The following LRIT3 variants were observed in gnomAD, a reference collection of about 807,000 sequenced individuals.
The protein encoded by LRIT3 is leucine-rich repeat, immunoglobulin-like domain and transmembrane domain-containing protein 3.
In LRIT3, 14 loss-of-function variants were observed where a neutral mutation model predicts 22.6. That is an observed-to-expected ratio of 0.62 (90% confidence interval 0.41 to 0.97). LRIT3 has a LOEUF of 0.97. Ranked by LOEUF, LRIT3 falls within the 50% of genes least tolerant of loss-of-function variation. The pLI, the probability that LRIT3 is intolerant of heterozygous loss-of-function variation, is 0.00. For synonymous variants in LRIT3, 306 were observed against 304.5 expected, an observed-to-expected ratio of 1.01 and a Z score of -0.05; for missense variants, 783 against 803.0, an observed-to-expected ratio of 0.98 and a Z score of 0.30.
At chr4:109,869,391 T>C (rs1169350657) in intron 3 of LRIT3, among the ~76,000 whole-genome samples, 1 of 152,230 alleles carries the variant, frequency 6.6e-6, no homozygotes, top group Admixed American at 6.5e-5. Flanking sequence ...AACCCAAGTG[T>C]CCTGATTCCC....
rs1465529649 is a variant in LRIT3, at chr4:109,851,243, T to G, written c.117-261T>G. 2.8e-5 allele frequency: 11 copies of G among 392,556 alleles called. No individual in the cohort carries two copies. The East Asian group carries it at 5.2e-4, about 19-fold the overall frequency. 24.3% of individuals were successfully genotyped at this position (392,556 alleles called of 1,614,324 possible). ...TTGTAGAGTTTTACATCCATTGTAATTAATCATCCATAACAGTGCCATATG... is the reference window on the plus strand; with the variant it reads ...TTGTAGAGTTTTACATCCATTGTAAGTAATCATCCATAACAGTGCCATATG... On this transcript the variant is annotated intron_variant, in intron 1 of 3. Coordinates refer to ENST00000594814, the MANE Select transcript of LRIT3 (RefSeq NM_198506.5).
rs1734825103 is a variant in LRIT3, at chr4:109,871,165, T to C, written c.*376T>C. ...TAGCAAAACCAGCTAAGCCTTGATG[T>C]TTATTCATGTTCGAAGTGCATTATA... On this transcript the variant is annotated 3_prime_UTR_variant, in exon 4 of 4. Coordinates refer to ENST00000594814, the MANE Select transcript of LRIT3 (RefSeq NM_198506.5). 1 of 162,488 alleles carries C rather than the reference T, an allele frequency of 6.2e-6. No individual in the cohort carries two copies. The highest frequency in any genetic ancestry group is 1.3e-5 in the Non-Finnish European group (1 of 75,204). 10.1% of individuals were successfully genotyped at this position (162,488 alleles called of 1,614,324 possible).
At chr4:109,856,688 G>A (rs1031998861) in intron 2 of LRIT3, among the ~76,000 whole-genome samples, 1 of 152,110 alleles carries the variant, frequency 6.6e-6, no homozygotes, top group African/African-American at 2.4e-5. Flanking sequence ...CAATCACATT[G>A]CATTTGTAAT....
At chr4:109,851,268 G>C in intron 1 of LRIT3, 1 of 510,440 alleles carries the variant, frequency 2.0e-6, no homozygotes, top group Admixed American at 3.5e-5. Context: ...AGTGCCATAT[G>C]GGAAAATGAG....
chr4:109,859,077 G>T (rs1020303732), intron 2 of LRIT3, among the ~76,000 whole-genome samples: 1 of 152,146 alleles, frequency 6.6e-6, no homozygotes, highest in African/African-American at 2.4e-5. Context: ...GATATTGCGG[G>T]ATCTGGCCAG....
intron 2 of LRIT3, among the ~76,000 whole-genome samples, chr4:109,862,841 A>G (rs2125899862): frequency 6.6e-6 from 1 of 152,224 alleles, no homozygotes; most frequent in African/African-American, 2.4e-5. Context: ...TGCCGCCACC[A>G]TACCTGGCTA....
intron 2 of LRIT3, among the ~76,000 whole-genome samples, chr4:109,854,402 A>G (rs988128130): frequency 6.6e-6 from 1 of 152,198 alleles, no homozygotes; most frequent in Non-Finnish European, 1.5e-5. Flanking sequence ...TTATTGGTGT[A>G]TAGAAATGCT....
intron 2 of LRIT3, among the ~76,000 whole-genome samples, chr4:109,862,835 G>T (rs1360259440): frequency 6.6e-6 from 1 of 152,054 alleles, no homozygotes; most frequent in African/African-American, 2.4e-5. Context: ...GGCAAGTGCC[G>T]CCACCATACC....
intron 2 of LRIT3, among the ~76,000 whole-genome samples, chr4:109,864,499 C>T (rs1302723236): frequency 2.0e-5 from 3 of 152,166 alleles, no homozygotes; most frequent in Non-Finnish European, 2.9e-5. Flanking sequence ...ACAATGCTGA[C>T]AATACCAACT....
At chr4:109,853,603 C>T (rs931125794) in intron 2 of LRIT3, among the ~76,000 whole-genome samples, 2 of 152,112 alleles carry the variant, frequency 1.3e-5, no homozygotes, top group Admixed American at 1.3e-4. Flanking sequence ...TTAATTAGAT[C>T]CCATTTGTCA....
At chr4:109,850,430 T>TCTTCCTTC (rs1734210133) in intron 1 of LRIT3, among the ~76,000 whole-genome samples, 1 of 81,616 alleles carries the variant, frequency 1.2e-5, no homozygotes, top group Non-Finnish European at 2.3e-5. Context: ...TTCCTTTCTT[T>TCTTCCTTC]CTTTCTTTCT....
chr4:109,871,049 T>C lies in LRIT3; in HGVS notation c.*260T>C, dbSNP rs1734822508. The C allele has an allele frequency of 1.9e-5, 6 of 314,282 alleles. No individual in the cohort carries two copies. Among genetic ancestry groups the C allele is most frequent in the Non-Finnish European group, 3.4e-5 (6 of 174,170 alleles). 19.5% of individuals were successfully genotyped at this position (314,282 alleles called of 1,614,324 possible). A position where few individuals can be genotyped will look rare whatever the true frequency, so the allele number is the denominator to read the frequency against. ...AATAAATTATTAATACTTTTTAGGG[T>C]AATGTTTTAGTTCTTAAAAATAAGT... On this transcript the variant is annotated 3_prime_UTR_variant, in exon 4 of 4. Coordinates refer to ENST00000594814, the MANE Select transcript of LRIT3 (RefSeq NM_198506.5).
In LRIT3 at chr4:109,870,689, AC is replaced by A; in HGVS notation, c.1941del (p.His647GlnfsTer20). 1 of 1,614,154 alleles carries A rather than the reference AC, an allele frequency of 6.2e-7. No individual in the cohort carries two copies. Among genetic ancestry groups the A allele is most frequent in the South Asian group, 1.1e-5 (1 of 91,074 alleles). Reference protein sequence around the residue: ...QSVGELWTRSHRDDSEKLLLC... With the variant: ...QSVGELWTRSXRDDSEKLLLC... ...GTAGGTGAGCTCTGGACACGAAGCCACAGGGATGACTCAGAGAAATTGCTGC... is the reference window on the plus strand; with the variant it reads ...GTAGGTGAGCTCTGGACACGAAGCCAAGGGATGACTCAGAGAAATTGCTGC... On this transcript the variant is annotated frameshift_variant, in exon 4 of 4. Coordinates refer to ENST00000594814, the MANE Select transcript of LRIT3 (RefSeq NM_198506.5). LOFTEE classifies it low-confidence loss of function (END_TRUNC).
rs777025567 is a variant in LRIT3, at chr4:109,870,118, A to C, written c.1369A>C (p.Asn457His). The C allele has an allele frequency of 5.0e-6, 8 of 1,614,224 alleles. No homozygotes were observed. Among genetic ancestry groups the C allele is most frequent in the South Asian group, 1.1e-5 (1 of 91,080 alleles). The part of the protein sequence containing the change: ...GGKRNLKVAK[N>H]GSKLPPASTS... The stretch of plus-strand genomic sequence containing the variant: ...GAAAAGAAATTTAAAGGTGGCAAAG[A>C]ATGGAAGTAAGCTTCCTCCAGCCAG... Residue 457 changes from asparagine to histidine, a missense_variant, in exon 4 of 4, where the codon AAT becomes CAT. By Grantham distance (68) the Asn-to-His change is moderately conservative. Around this residue, in one of 2 missense-constraint regions of LRIT3, gnomAD observed 756 missense variants for 753.8 expected, o/e 1.00. Coordinates refer to ENST00000594814, the MANE Select transcript of LRIT3 (RefSeq NM_198506.5).
At chr4:109,861,954 A>G (rs1447266934) in intron 2 of LRIT3, among the ~76,000 whole-genome samples, 3 of 152,230 alleles carry the variant, frequency 2.0e-5, no homozygotes, top group East Asian at 3.8e-4. Flanking sequence ...TATAGCTATT[A>G]TCCATCTCAA....
At chr4:109,866,277 T>C (rs1054622080) in intron 2 of LRIT3, among the ~76,000 whole-genome samples, 3 of 152,196 alleles carry the variant, frequency 2.0e-5, no homozygotes, top group Admixed American at 2.0e-4. Flanking sequence ...CACAAATCTC[T>C]GTGACAAATT....
At chr4:109,862,834 C>T (rs1032471521) in intron 2 of LRIT3, among the ~76,000 whole-genome samples, 3 of 152,126 alleles carry the variant, frequency 2.0e-5, no homozygotes, top group Non-Finnish European at 2.9e-5. Flanking sequence ...AGGCAAGTGC[C>T]GCCACCATAC....
intron 2 of LRIT3, among the ~76,000 whole-genome samples, chr4:109,863,125 C>T (rs1734588979): frequency 6.6e-6 from 1 of 152,194 alleles, no homozygotes; most frequent in South Asian, 2.1e-4. Context: ...ATGTAGGATT[C>T]TAAGCCATTT....
intron 2 of LRIT3, among the ~76,000 whole-genome samples, chr4:109,853,644 TGTTTTAGTCATGAA>T (rs1734325458): frequency 6.6e-6 from 1 of 152,186 alleles, no homozygotes; most frequent in Non-Finnish European, 1.5e-5. Flanking sequence ...TGCTTTTTGG[TGTTTTAGTCATGAA>T]GTCTTTACCC....
Sources: gnomAD v4.1 joint callset for allele counts (sites outside exome capture counted in the v4.1 genomes callset) on GRCh38, gnomAD v4.1.1 for gene constraint, gnomAD v4.1.1 regional missense constraint, MANE v1.5 for transcripts, NCBI Gene and HGNC (gene_info 2026-07-23, HGNC 2026-07-21) for gene names.